The following SCAF4 variants were observed in gnomAD, a reference collection of about 807,000 sequenced individuals.
The protein encoded by SCAF4 is SR-related CTD associated factor 4, also known as SR-related and CTD-associated factor 4.
SCAF4 carries 25 observed loss-of-function variants against 129.8 expected under a neutral mutation model. The observed-to-expected ratio is 0.19, with a 90% CI of 0.14 to 0.27. The LOEUF is 0.27. Ranked by LOEUF, SCAF4 falls within the 10% of genes least tolerant of loss-of-function variation. SCAF4 has a pLI of 1.00. For synonymous variants in SCAF4, 551 were observed against 497.7 expected, an observed-to-expected ratio of 1.11 and a Z score of -1.43; for missense variants, 1,246 against 1,457.1, an observed-to-expected ratio of 0.86 and a Z score of 2.36.
At chr21:31,710,226 A>C (rs1011300269) in intron 1 of SCAF4, among the ~76,000 whole-genome samples, 4 of 152,132 alleles carry the variant, frequency 2.6e-5, no homozygotes, top group Non-Finnish European at 5.9e-5. Context: ...GATGGATTAG[A>C]AGGAGCCTGG....
intron 1 of SCAF4, among the ~76,000 whole-genome samples, chr21:31,719,607 C>T (rs962257757): frequency 3.9e-5 from 6 of 152,036 alleles, no homozygotes; most frequent in Admixed American, 2.6e-4. Context: ...TGGGTCTAAG[C>T]GAGTCTCCTG....
intron 6 of SCAF4, among the ~76,000 whole-genome samples, chr21:31,701,422 A>G (rs889255015): frequency 1.3e-5 from 2 of 152,176 alleles, no homozygotes; most frequent in African/African-American, 4.8e-5. Flanking sequence ...GAGAAAATAC[A>G]CTGAATTGTG....
At chr21:31,702,223 C>T (rs1467308828) in intron 5 of SCAF4, 21 bp downstream of exon 5, 1 of 1,613,536 alleles carries the variant, frequency 6.2e-7, no homozygotes, top group Non-Finnish European at 8.5e-7. Context: ...TGTGTGAGCT[C>T]ACAGATACAT....
At chr21:31,724,572 C>T (rs1239872261) in intron 1 of SCAF4, among the ~76,000 whole-genome samples, 3 of 152,102 alleles carry the variant, frequency 2.0e-5, no homozygotes, top group Non-Finnish European at 4.4e-5. Context: ...TTTTTCCCTA[C>T]TATGTTATCA....
At chr21:31,706,614 GC>G in intron 1 of SCAF4, 1 of 445,626 alleles carries the variant, frequency 2.2e-6, no homozygotes, top group Non-Finnish European at 4.0e-6. Context: ...TGAAGGAAGA[GC>G]CCAAGAGGCA....
Position 31,692,349 on chromosome 21 carries a change from A to T in SCAF4, c.1614T>A (p.Asn538Lys). 1 of 1,606,114 alleles carries T rather than the reference A, an allele frequency of 6.2e-7. No homozygotes were observed. The highest frequency in any genetic ancestry group is 8.5e-7 in the Non-Finnish European group (1 of 1,172,782). The part of the protein sequence containing the change: ...LEEFGPIESI[N>K]MIPPRGCAYI... ...CTTAAAAAACTGAATAAACACTCAC[A>T]TTAATTGATTCAATTGGACCAAACT... The change falls in exon 13 of 20, where the codon AAT (asparagine) becomes AAA (lysine). Residue 538 changes from asparagine to lysine, a missense_variant and splice_region_variant. Physicochemically the swap from Asn to Lys is moderately conservative, Grantham distance 94. Transcript: ENST00000286835.
chr21:31,720,216 G>A (rs1377469788), intron 1 of SCAF4, among the ~76,000 whole-genome samples: 1 of 152,058 alleles, frequency 6.6e-6, no homozygotes, highest in East Asian at 1.9e-4. Context: ...TTGATTCCAG[G>A]ACATAAAATC....
intron 1 of SCAF4, among the ~76,000 whole-genome samples, chr21:31,730,819 G>A (rs1456865771): frequency 6.6e-6 from 1 of 152,226 alleles, no homozygotes; most frequent in African/African-American, 2.4e-5. Flanking sequence ...TAAGGCCGCA[G>A]GCAGCTTTGT....
At chr21:31,695,211 T>C (rs975681033) in intron 9 of SCAF4, among the ~76,000 whole-genome samples, 4 of 152,188 alleles carry the variant, frequency 2.6e-5, no homozygotes, top group Admixed American at 2.0e-4. Context: ...AACACACAGG[T>C]TTAGTTTTAA....
chr21:31,674,496 C>T (rs186875738), intron 19 of SCAF4, among the ~76,000 whole-genome samples: 1 of 152,306 alleles, frequency 6.6e-6, no homozygotes, highest in East Asian at 1.9e-4. Flanking sequence ...ATAGAATATG[C>T]CCATAGCCCC....
intron 6 of SCAF4, 105 bp from the exon 7 acceptor site, chr21:31,701,276 G>T: frequency 2.1e-6 from 2 of 966,366 alleles, no homozygotes; most frequent in East Asian, 2.7e-5. Flanking sequence ...AGTAGCATAG[G>T]CACAGAACAA....
At chr21:31,706,067 C>T (rs1294322825) in intron 2 of SCAF4, among the ~76,000 whole-genome samples, 3 of 152,128 alleles carry the variant, frequency 2.0e-5, no homozygotes, top group Non-Finnish European at 4.4e-5. Context: ...GAGACTCTAT[C>T]CCCCTACCCC....
chr21:31,730,852 CA>C (rs773482890), intron 1 of SCAF4, among the ~76,000 whole-genome samples: 2 of 152,186 alleles, frequency 1.3e-5, no homozygotes, highest in Non-Finnish European at 2.9e-5. Flanking sequence ...GAGGTTTTCA[CA>C]TGTAAATGTC....
chr21:31,723,804 T>G (rs1252055353), intron 1 of SCAF4, among the ~76,000 whole-genome samples: 1 of 152,186 alleles, frequency 6.6e-6, no homozygotes, highest in African/African-American at 2.4e-5. Flanking sequence ...CTCTTCCAAC[T>G]GGGATTATTG....
At chr21:31,696,545 T>C in intron 8 of SCAF4, 24 bp downstream of exon 8, 1 of 1,573,524 alleles carries the variant, frequency 6.4e-7, no homozygotes, top group African/African-American at 1.4e-5. Context: ...TTCTATCTGC[T>C]GAGGAATAAA....
rs1481503712 is a variant in SCAF4 at position 31,696,195 on chromosome 21, T to A, written c.986A>T (p.Gln329Leu). 1 of 1,613,824 alleles carries A rather than the reference T, an allele frequency of 6.2e-7. No homozygotes were observed. Among genetic ancestry groups the A allele is most frequent in the Non-Finnish European group, 8.5e-7 (1 of 1,179,878 alleles). The stretch of plus-strand genomic sequence containing the variant: ...ATTTTGATGCTGTGTGTATGCTGGC[T>A]GCTGCATGCCATCTCCAGGAAAGCC... ...PFGFPGDGMQ[Q>L]PAYTQHQNMD... The change falls in exon 9 of 20, where the codon CAG becomes CTG. Residue 329 changes from glutamine to leucine, a missense_variant. Around this residue, in one of 6 missense-constraint regions of SCAF4, gnomAD observed 236 missense variants for 210.0 expected, o/e 1.12. Coordinates refer to ENST00000286835, the MANE Select transcript of SCAF4 (RefSeq NM_020706.2).
intron 19 of SCAF4, among the ~76,000 whole-genome samples, chr21:31,681,544 T>C (rs1424572321): frequency 1.3e-5 from 2 of 152,216 alleles, no homozygotes; most frequent in Non-Finnish European, 2.9e-5. Context: ...TTGCTATCAT[T>C]TGTAATATTC....
Position 31,696,812 on chromosome 21 carries a change from T to G in SCAF4, c.778-62A>C. On this transcript the variant is annotated intron_variant, in intron 7 of 19. Coordinates refer to ENST00000286835, the MANE Select transcript of SCAF4 (RefSeq NM_020706.2). ...AGACTGATTCACTGCACAAAAAACT[T>G]TATGAAAACAAGGGATGTTTACCAC... 7 of 1,413,444 alleles carry G rather than the reference T, an allele frequency of 5.0e-6. 1 individual carries two copies. In the South Asian group the frequency reaches 7.9e-5, roughly 16 times the overall value. The allele number at this position is 1,413,444 out of a possible 1,614,324, so 87.6% of individuals were successfully genotyped here.
chr21:31,731,519 C>G (rs566335362), intron 1 of SCAF4, 144 bp downstream of exon 1: 1 of 956,256 alleles, frequency 1.0e-6, no homozygotes, highest in African/African-American at 1.7e-5. Flanking sequence ...GCCACAGGCC[C>G]CGCTCCGCGC....
Sources: allele counts gnomAD v4.1 joint callset (sites outside exome capture counted in the v4.1 genomes callset), GRCh38; gene constraint gnomAD v4.1.1; regional missense constraint gnomAD v4.1.1; transcripts MANE v1.5; gene names NCBI Gene and HGNC (gene_info 2026-07-23, HGNC 2026-07-21).